MEOX2: variants seen among roughly 807,000 people sequenced by gnomAD.
MEOX2 encodes the protein mesenchyme homeobox 2, also known as homeobox protein MOX-2.
A neutral mutation model predicts 27.0 loss-of-function variants in MEOX2; 11 were observed. The ratio of observed to expected loss-of-function variants is 0.41; its 90% confidence interval spans 0.26 to 0.68. The LOEUF (loss-of-function observed/expected upper bound fraction) is 0.68. Ranked by LOEUF, MEOX2 falls within the 30% of genes least tolerant of loss-of-function variation. MEOX2 has a pLI of 0.33. For synonymous variants in MEOX2, 189 were observed against 155.4 expected (o/e 1.22, Z -1.61); for missense variants, 436 against 385.4 (o/e 1.13, Z -1.10).
At chr7:15,647,579 TAA>T (rs1443952180) in intron 1 of MEOX2, among the ~76,000 whole-genome samples, 1 of 152,086 alleles carries the variant, frequency 6.6e-6, no homozygotes, top group Non-Finnish European at 1.5e-5. Context: ...TTCTAAAATG[TAA>T]AGACAGGAAG....
intron 1 of MEOX2, among the ~76,000 whole-genome samples, chr7:15,631,073 G>T (rs988288507): frequency 6.6e-6 from 1 of 151,908 alleles, no homozygotes; most frequent in Non-Finnish European, 1.5e-5. Flanking sequence ...CACTATGTTA[G>T]ATCCAGAATA....
At chr7:15,658,282 C>T (rs984762227) in intron 1 of MEOX2, among the ~76,000 whole-genome samples, 6 of 152,106 alleles carry the variant, frequency 3.9e-5, no homozygotes, top group African/African-American at 1.4e-4. Context: ...CTCATTAAAG[C>T]CTGGTGAGGG....
intron 1 of MEOX2, among the ~76,000 whole-genome samples, chr7:15,649,350 T>A (rs73679851): frequency 0.019 from 2,949 of 152,014 alleles, 96 homozygotes; most frequent in African/African-American, 0.067. Context: ...ACATCAGAAA[T>A]GGACAAAAAT....
intron 1 of MEOX2, among the ~76,000 whole-genome samples, chr7:15,661,724 CTA>C (rs1781922603): frequency 1.3e-5 from 2 of 152,144 alleles, no homozygotes; most frequent in South Asian, 4.1e-4. Flanking sequence ...TAGGGCAGTG[CTA>C]TATAGCCACG....
At chr7:15,619,773 A>G (rs1562595004) in intron 2 of MEOX2, among the ~76,000 whole-genome samples, 1 of 152,110 alleles carries the variant, frequency 6.6e-6, no homozygotes, top group Non-Finnish European at 1.5e-5. Flanking sequence ...GGCCAGTTCA[A>G]TAAAGGTAAC....
At chr7:15,680,571 C>T (rs1782277327) in intron 1 of MEOX2, 1 of 151,830 alleles carries the variant, frequency 6.6e-6, no homozygotes, top group African/African-American at 2.4e-5. Context: ...TTACTTTACA[C>T]CGTTACTCCT....
intron 1 of MEOX2, among the ~76,000 whole-genome samples, chr7:15,667,635 G>A (rs1424776331): frequency 6.6e-6 from 1 of 152,066 alleles, no homozygotes; most frequent in South Asian, 2.1e-4. Flanking sequence ...GGGGAGGTAG[G>A]CTACAATTTG....
At chr7:15,625,328 A>G (rs1380757004) in intron 2 of MEOX2, among the ~76,000 whole-genome samples, 2 of 152,194 alleles carry the variant, frequency 1.3e-5, no homozygotes, top group Admixed American at 6.6e-5. Context: ...TTGAACCCAT[A>G]GAGGGAATTT....
chr7:15,628,375 C>T (rs1437310938), intron 1 of MEOX2, among the ~76,000 whole-genome samples: 1 of 152,048 alleles, frequency 6.6e-6, no homozygotes, highest in Non-Finnish European at 1.5e-5. Context: ...CTAGTAGCAG[C>T]AGCAGCAGCA....
At chr7:15,659,521 G>C (rs1235312467) in intron 1 of MEOX2, among the ~76,000 whole-genome samples, 1 of 152,060 alleles carries the variant, frequency 6.6e-6, no homozygotes, top group African/African-American at 2.4e-5. Context: ...AGCACTTTGG[G>C]AGGCTGAGGC....
chr7:15,678,909 T>C (rs1782249088), intron 1 of MEOX2: 1 of 152,172 alleles, frequency 6.6e-6, no homozygotes, highest in Admixed American at 6.6e-5. Context: ...GTTTTTTCCT[T>C]GTAGCATTAT....
intron 1 of MEOX2, among the ~76,000 whole-genome samples, chr7:15,665,799 A>T (rs1053469490): frequency 2.0e-5 from 3 of 152,226 alleles, no homozygotes; most frequent in Non-Finnish European, 4.4e-5. Flanking sequence ...TTATTGCTGA[A>T]AGCGCGCAGC....
chr7:15,638,615 T>A (rs967975387), intron 1 of MEOX2, among the ~76,000 whole-genome samples: 3 of 152,042 alleles, frequency 2.0e-5, no homozygotes, highest in Non-Finnish European at 4.4e-5. Flanking sequence ...CATGGTAGTA[T>A]TTTTTACCCT....
At chr7:15,669,686 C>G (rs370855135) in intron 1 of MEOX2, among the ~76,000 whole-genome samples, 1 of 152,208 alleles carries the variant, frequency 6.6e-6, no homozygotes, top group African/African-American at 2.4e-5. Context: ...ACTCCCTATA[C>G]GTCACTCTTT....
chr7:15,669,784 C>T (rs530727698), intron 1 of MEOX2, among the ~76,000 whole-genome samples: 1 of 152,198 alleles, frequency 6.6e-6, no homozygotes, highest in Non-Finnish European at 1.5e-5. Flanking sequence ...GCTTCTGTTT[C>T]TCAGCTACCT....
At chr7:15,638,302 T>A (rs1350749320) in intron 1 of MEOX2, among the ~76,000 whole-genome samples, 1 of 152,126 alleles carries the variant, frequency 6.6e-6, no homozygotes, top group African/African-American at 2.4e-5. Flanking sequence ...TGCAGTCTAG[T>A]TTAAAGCATA....
In MEOX2 at chr7:15,629,978, T is replaced by C. The variant is rs139157342; in HGVS notation, c.518-3060A>G. Among the ~76,000 whole-genome samples, 34 of 152,120 alleles carry C rather than the reference T, an allele frequency of 2.2e-4. No individual in the cohort carries two copies. In the East Asian group the frequency reaches 4.3e-3, roughly 19 times the overall value. ...CTTTTCTTCAACCTCCCATATCCTA[T>C]GCCAAATGGTAGGTGCTGAGGGGGG... is the stretch of plus-strand genomic sequence containing the variant. On this transcript the variant is annotated intron_variant, in intron 1 of 2. Transcript: ENST00000262041.
At chr7:15,626,373 T>C (rs756323115) in intron 2 of MEOX2, among the ~76,000 whole-genome samples, 2 of 152,030 alleles carry the variant, frequency 1.3e-5, no homozygotes, top group Non-Finnish European at 2.9e-5. Flanking sequence ...TCCTGAGCAA[T>C]ACAGAAAACT....
intron 1 of MEOX2, among the ~76,000 whole-genome samples, chr7:15,631,933 G>GTGTGTGTGTGTGTGTGTGTGTGA (rs66500166): frequency 3.1e-5 from 1 of 32,426 alleles, no homozygotes; most frequent in Non-Finnish European, 1.1e-4. Context: ...TGTGTGTGTG[G>GTGTGTGTGTGTGTGTGTGTGTGA]AGAGAAAGAG....
Sources: gnomAD v4.1 joint callset for allele counts (sites outside exome capture counted in the v4.1 genomes callset) on GRCh38, gnomAD v4.1.1 for gene constraint, MANE v1.5 for transcripts, NCBI Gene and HGNC (gene_info 2026-07-23, HGNC 2026-07-21) for gene names.